The following RIC8B variants were observed in gnomAD, a reference collection of about 807,000 sequenced individuals.
RIC8B encodes chaperone Ric-8B.
In RIC8B, 16 loss-of-function variants were observed where a neutral mutation model predicts 57.5. That is an observed-to-expected ratio of 0.28 (90% CI 0.19 to 0.42). The LOEUF (loss-of-function observed/expected upper bound fraction) is 0.42, where lower values mean the gene tolerates loss of function less well. Among genes scored for constraint, RIC8B ranks in the 10% least tolerant of loss-of-function variants. The pLI is 1.00. For missense variants in RIC8B, 481 were observed against 677.0 expected, an observed-to-expected ratio of 0.71 and a Z score of 3.21; for synonymous variants, 216 against 250.8, an observed-to-expected ratio of 0.86 and a Z score of 1.31.
chr12:106,879,455 G>T lies in RIC8B; in HGVS notation c.1572-6449G>T. On this transcript the variant is annotated intron_variant, in intron 9 of 9. Transcript: ENST00000392837. This position sits in a 1 kb window ranked among gnomAD's most constrained non-coding sequence, Gnocchi z 4.9. The stretch of plus-strand genomic sequence containing the variant: ...AGAACCTTCTCTAAGGTGCTGAGAA[G>T]TCATATAAGCCCAGGCATCCTAGAG... 2 of 985,154 alleles carry T rather than the reference G, an allele frequency of 2.0e-6. No homozygotes were observed. The highest frequency in any genetic ancestry group is 2.4e-6 in the Non-Finnish European group (2 of 829,880). The allele number at this position is 985,154 out of a possible 1,614,324, so 61.0% of individuals were successfully genotyped here. A position where few individuals can be genotyped will look rare whatever the true frequency, so the allele number is the denominator to read the frequency against.
In RIC8B at chr12:106,888,987, C is replaced by T. The variant is rs1951298442; in HGVS notation, c.*2972C>T. ...GAGGCAGTACAAGTGACTCTAAACA[C>T]CCCCTTAGTGCCACATCAGTCTCGC... On this transcript the variant is annotated 3_prime_UTR_variant, in exon 10 of 10. Coordinates refer to ENST00000392837, the MANE Select transcript of RIC8B (RefSeq NM_001330145.2). 6.6e-6 allele frequency: 1 copy of T among 152,112 alleles called. No individual in the cohort carries two copies. Among genetic ancestry groups the T allele is most frequent in the Non-Finnish European group, 1.5e-5 (1 of 68,022 alleles). The allele number at this position is 152,112 out of a possible 1,614,324, so 9.4% of individuals were successfully genotyped here.
At chr12:106,883,190 C>G (rs989517025) in intron 9 of RIC8B, among the ~76,000 whole-genome samples, 2 of 152,050 alleles carry the variant, frequency 1.3e-5, no homozygotes, top group Non-Finnish European at 2.9e-5. Flanking sequence ...CCTATCCCTA[C>G]CCTTCAGTCC....
intron 8 of RIC8B, among the ~76,000 whole-genome samples, chr12:106,860,925 T>TCTGTTAA: frequency 6.6e-6 from 1 of 152,222 alleles, no homozygotes; most frequent in Admixed American, 6.5e-5. Context: ...AACAAACATA[T>TCTGTTAA]AAGACTCATC....
chr12:106,815,373 G>A, intron 3 of RIC8B, 69 bp downstream of exon 3: 1 of 1,477,876 alleles, frequency 6.8e-7, no homozygotes, highest in African/African-American at 1.4e-5. Context: ...AGAGTTTCCT[G>A]CAAGAGAAGA....
intron 4 of RIC8B, among the ~76,000 whole-genome samples, chr12:106,832,667 T>A (rs2046407601): frequency 6.6e-6 from 1 of 152,174 alleles, no homozygotes; most frequent in South Asian, 2.1e-4. Context: ...TAGTAAATGC[T>A]CAATAAATAT....
chr12:106,836,458 C>T (rs1021967675), intron 4 of RIC8B, among the ~76,000 whole-genome samples: 4 of 152,130 alleles, frequency 2.6e-5, no homozygotes, highest in African/African-American at 9.7e-5. Context: ...CAAAATTAAA[C>T]TCTCTATCAT....
intron 2 of RIC8B, among the ~76,000 whole-genome samples, chr12:106,800,577 A>G (rs1283379929): frequency 2.0e-5 from 3 of 152,180 alleles, no homozygotes; most frequent in African/African-American, 7.2e-5. Context: ...TATTAATATT[A>G]TCACATTGTG....
rs764697300 is a variant in RIC8B at position 106,870,889 on chromosome 12, A to G, written c.1518A>G (p.Glu506=). The G allele has an allele frequency of 1.3e-6, 2 of 1,549,044 alleles. No individual in the cohort carries two copies. Among genetic ancestry groups the G allele is most frequent in the Non-Finnish European group, 1.7e-6 (2 of 1,145,110 alleles). The change falls in exon 9 of 10, where the codon GAA becomes GAG. Residue 506 remains glutamate, a synonymous_variant. Coordinates refer to ENST00000392837, the MANE Select transcript of RIC8B (RefSeq NM_001330145.2). ...MPNPIDEMTE[E]QKEYEAMKLV... ...ACCCCATAGATGAAATGACAGAAGA[A>G]CAAAAAGAATATGAAGCCATGAAAC... is the stretch of plus-strand genomic sequence containing the variant.
chr12:106,874,786 C>G (rs1308835217), intron 9 of RIC8B, among the ~76,000 whole-genome samples: 3 of 152,176 alleles, frequency 2.0e-5, no homozygotes, highest in Admixed American at 2.0e-4. Context: ...TATTTTCTTC[C>G]CATTGAATAC....
chr12:106,878,491 C>G (rs1425067485), intron 9 of RIC8B, among the ~76,000 whole-genome samples: 1 of 152,136 alleles, frequency 6.6e-6, no homozygotes, highest in Non-Finnish European at 1.5e-5. Context: ...AGGCTCCATC[C>G]ATTTTAACAG....
chr12:106,813,235 G>T (rs184513698), intron 2 of RIC8B, among the ~76,000 whole-genome samples: 79 of 129,572 alleles, frequency 6.1e-4, no homozygotes, highest in African/African-American at 2.2e-3. Flanking sequence ...TCTGTTGCCA[G>T]CCTGGAGTGC....
chr12:106,817,273 A>G (rs991007915), intron 3 of RIC8B, among the ~76,000 whole-genome samples: 8 of 152,206 alleles, frequency 5.3e-5, no homozygotes, highest in Non-Finnish European at 1.0e-4. Flanking sequence ...ATAGGTAATA[A>G]ATCAGTAAAC....
chr12:106,869,145 C>T (rs1950277925), intron 8 of RIC8B, among the ~76,000 whole-genome samples: 1 of 152,108 alleles, frequency 6.6e-6, no homozygotes, highest in South Asian at 2.1e-4. Flanking sequence ...AAGTTTTAAA[C>T]ATGACTCTAG....
intron 2 of RIC8B, among the ~76,000 whole-genome samples, chr12:106,789,785 T>G (rs1055737122): frequency 4.6e-5 from 7 of 152,176 alleles, no homozygotes; most frequent in Non-Finnish European, 1.0e-4. Context: ...AATGTGTTTT[T>G]GGAGCTCTAT....
intron 2 of RIC8B, among the ~76,000 whole-genome samples, chr12:106,799,334 A>T (rs2044624756): frequency 6.6e-6 from 1 of 152,062 alleles, no homozygotes; most frequent in Admixed American, 6.6e-5. Context: ...TCAACCTCCT[A>T]CTCTATGCCA....
chr12:106,824,646 A>G (rs2046011939), intron 3 of RIC8B, among the ~76,000 whole-genome samples: 4 of 152,190 alleles, frequency 2.6e-5, no homozygotes, highest in Admixed American at 2.6e-4. Flanking sequence ...CTGTAATGCC[A>G]GCACATTGGG....
intron 2 of RIC8B, among the ~76,000 whole-genome samples, chr12:106,811,634 A>C (rs2045338419): frequency 6.6e-6 from 1 of 152,136 alleles, no homozygotes; most frequent in East Asian, 1.9e-4. Context: ...AAGACTCAGG[A>C]TGTATCATGG....
At chr12:106,780,650 T>A (rs2043723585) in intron 1 of RIC8B, among the ~76,000 whole-genome samples, 1 of 152,230 alleles carries the variant, frequency 6.6e-6, no homozygotes, top group Non-Finnish European at 1.5e-5. Context: ...GTCCAGATTA[T>A]GTTATATAAT....
chr12:106,853,453 C>CTTTTTTTTTTTTTGTTTTTTTTTTT (rs1949566118), intron 7 of RIC8B, among the ~76,000 whole-genome samples: 1 of 38,022 alleles, frequency 2.6e-5, no homozygotes, highest in Non-Finnish European at 4.3e-5. Flanking sequence ...GCTTTATAGT[C>CTTTTTTTTTTTTTGTTTTTTTTTTT]TTTTTTTTTT....
Sources: allele counts gnomAD v4.1 joint callset (sites outside exome capture counted in the v4.1 genomes callset), GRCh38; gene constraint gnomAD v4.1.1; non-coding constraint Gnocchi (gnomAD v3.1); transcripts MANE v1.5; gene names NCBI Gene and HGNC (gene_info 2026-07-23, HGNC 2026-07-21).